Variants in DNAAF1 observed in about 807,000 individuals in gnomAD.
DNAAF1 encodes the protein dynein axonemal assembly factor 1.
DNAAF1 carries 65 observed loss-of-function variants against 71.1 expected under a neutral mutation model. The observed-to-expected ratio is 0.91, with a 90% CI of 0.75 to 1.12. The LOEUF (loss-of-function observed/expected upper bound fraction) is 1.12. Among genes scored for constraint, DNAAF1 ranks in the 50% most tolerant of loss-of-function variants. DNAAF1 has a pLI of 0.00. For missense variants in DNAAF1, 1,178 were observed against 899.8 expected (o/e 1.31, Z -3.96); for synonymous variants, 414 against 354.6 (o/e 1.17, Z -1.88).
rs529841659 is a variant in DNAAF1, at chr16:84,145,556, G to T, written c.116G>T (p.Cys39Phe). The T allele has an allele frequency of 2.6e-6, 4 of 1,548,262 alleles. No individual in the cohort carries two copies. In the South Asian group the frequency reaches 4.8e-5, roughly 18 times the overall value. ...CACGGGAGCGCAGGCCGAGGGGGCT[G>T]CAAGGAAGGTGCCGACTGCCCCCCA... ...GDHGSAGRGG[C>F]KEEINDPKEI... The change falls in exon 1 of 12, where the codon TGC (cysteine) becomes TTC (phenylalanine). Residue 39 changes from cysteine to phenylalanine, a missense_variant. Physicochemically the swap from Cys to Phe is radical, Grantham distance 205. Transcript: ENST00000378553.
intron 9 of DNAAF1, 73 bp downstream of exon 9, chr16:84,172,448 T>C: frequency 6.3e-7 from 1 of 1,577,752 alleles, no homozygotes; most frequent in Non-Finnish European, 8.6e-7. Context: ...AGATGCAGAC[T>C]TTGGAGACCC....
intron 2 of DNAAF1, 25 bp downstream of exon 2, chr16:84,149,167 T>G (rs898915061): frequency 3.1e-6 from 5 of 1,613,558 alleles, no homozygotes; most frequent in Non-Finnish European, 4.2e-6. Flanking sequence ...TCCTAATTAG[T>G]GCACATTTAT....
intron 7 of DNAAF1, among the ~76,000 whole-genome samples, chr16:84,169,294 C>T (rs2088196574): frequency 6.6e-6 from 1 of 151,052 alleles, no homozygotes; most frequent in Admixed American, 6.6e-5. Context: ...CCATGTTTGT[C>T]AGGCTGGTTT....
At chr16:84,162,414 A>T (rs1315346010) in intron 6 of DNAAF1, among the ~76,000 whole-genome samples, 1 of 151,990 alleles carries the variant, frequency 6.6e-6, no homozygotes, top group Non-Finnish European at 1.5e-5. Flanking sequence ...TCTCAAAAAA[A>T]AATAAATAAA....
At chr16:84,152,741 G>A (rs922841940) in intron 3 of DNAAF1, among the ~76,000 whole-genome samples, 1 of 151,440 alleles carries the variant, frequency 6.6e-6, no homozygotes, top group Non-Finnish European at 1.5e-5. Flanking sequence ...ATCACCTGAG[G>A]TAAGGAGTTC....
chr16:84,176,330 G>A (rs1301587210), intron 11 of DNAAF1, 31 bp downstream of exon 11: 13 of 1,612,386 alleles, frequency 8.1e-6, no homozygotes, highest in African/African-American at 1.3e-5. Context: ...GCACAGTGGA[G>A]ACAATGTTGG....
chr16:84,145,503 G>A lies in DNAAF1; in HGVS notation c.63G>A (p.Glu21=), dbSNP rs2086855493. ...GGAAELDCAQ[E]PGVEESAGDH... Reference sequence around the variant, plus strand: ...CAGCAGAGCTGGATTGCGCGCAGGAGCCCGGCGTGGAGGAGTCTGCGGGTG... The same window carrying A: ...CAGCAGAGCTGGATTGCGCGCAGGAACCCGGCGTGGAGGAGTCTGCGGGTG... The change falls in exon 1 of 12, where the codon GAG becomes GAA. Residue 21 remains glutamate (E), a synonymous_variant. Transcript: ENST00000378553. The A allele has an allele frequency of 1.3e-6, 2 of 1,564,102 alleles. No individual in the cohort carries two copies. Among genetic ancestry groups the A allele is most frequent in the Non-Finnish European group, 1.7e-6 (2 of 1,154,012 alleles).
intron 8 of DNAAF1, among the ~76,000 whole-genome samples, chr16:84,171,298 A>C (rs2151270108): frequency 6.6e-6 from 1 of 152,198 alleles, no homozygotes; most frequent in East Asian, 1.9e-4. Context: ...TCTACAAAAA[A>C]CAATAAATTA....
intron 9 of DNAAF1, chr16:84,173,445 C>T: frequency 1.0e-6 from 1 of 966,548 alleles, no homozygotes; most frequent in Non-Finnish European, 1.2e-6. Flanking sequence ...ACCTGGGCGA[C>T]AGAGCGAGAC....
At chr16:84,170,620 G>T (rs1019265128) in intron 8 of DNAAF1, among the ~76,000 whole-genome samples, 29 of 151,370 alleles carry the variant, frequency 1.9e-4, no homozygotes. Context: ...GACTGATTGA[G>T]GCCAGGAGTT....
intron 3 of DNAAF1, among the ~76,000 whole-genome samples, chr16:84,154,241 CT>C (rs2087310139): frequency 6.6e-6 from 1 of 152,182 alleles, no homozygotes; most frequent in Non-Finnish European, 1.5e-5. Flanking sequence ...CAAGGTCAAG[CT>C]ACTGGCAGAT....
chr16:84,158,094 A>G (rs766001298), intron 5 of DNAAF1, among the ~76,000 whole-genome samples: 6 of 151,832 alleles, frequency 4.0e-5, no homozygotes, highest in Non-Finnish European at 5.9e-5. Context: ...AGTCCCAGCT[A>G]CTCTGGTGGC....
At position 84,176,101 on chromosome 16, in the gene DNAAF1, G is replaced by C; in HGVS notation, c.1867G>C (p.Asp623His). 6.2e-7 allele frequency: 1 copy of C among 1,613,950 alleles called. No individual in the cohort carries two copies. ...TSKAARVPFT[D>H]IFKKEAKRDL... is the part of the protein sequence containing the mutation. ...AAAGGCGGCTCGGGTGCCCTTCACA[G>C]ACATCTTTAAAAAAGAAGCTAAGAG... Residue 623 changes from aspartate to histidine, a missense_variant, in exon 11 of 12, where the codon GAC becomes CAC. By Grantham distance (81) the Asp-to-His change is moderately conservative. Transcript: ENST00000378553.
In DNAAF1 at chr16:84,165,816, C is replaced by T. The variant is rs760302090; in HGVS notation, c.897C>T (p.Tyr299=). 26 of 1,613,278 alleles carry T rather than the reference C, an allele frequency of 1.6e-5. No individual in the cohort carries two copies. The highest frequency in any genetic ancestry group is 2.2e-5 in the East Asian group (1 of 44,862). The change falls in exon 7 of 12, where the codon TAC becomes TAT. Residue 299 remains tyrosine, a synonymous_variant. Coordinates refer to ENST00000378553, the MANE Select transcript of DNAAF1 (RefSeq NM_178452.6). ...CGGAGGCCTGGGCTAGGGGAGGGTA[C>T]GCAGCTGAAAAGGAGGAGAGACAGC... The part of the protein sequence containing the change: ...ACAEAWARGG[Y]AAEKEERQQW...
At chr16:84,160,323 T>A (rs1216172703) in intron 6 of DNAAF1, among the ~76,000 whole-genome samples, 1 of 152,226 alleles carries the variant, frequency 6.6e-6, no homozygotes, top group Non-Finnish European at 1.5e-5. Context: ...TGTCAGTGAC[T>A]TTTTCCAAGT....
In DNAAF1 at chr16:84,165,960, G is replaced by C; in HGVS notation, c.1030+11G>C. 3 of 1,612,186 alleles carry C rather than the reference G, an allele frequency of 1.9e-6. No individual in the cohort carries two copies. Among genetic ancestry groups the C allele is most frequent in the East Asian group, 2.2e-5 (1 of 44,848 alleles). On this transcript the variant is annotated intron_variant, in intron 7 of 11. Transcript: ENST00000378553. ...AGAGTCAAGAGAGAGGTATGCGCTC[G>C]GCCGAAGACAACAGCCCCAGAGTTC... is the stretch of plus-strand genomic sequence containing the variant.
intron 6 of DNAAF1, among the ~76,000 whole-genome samples, chr16:84,160,730 C>T (rs530111849): frequency 3.3e-5 from 5 of 151,478 alleles, no homozygotes; most frequent in South Asian, 2.1e-4. Flanking sequence ...GTCAGGAGAT[C>T]GAGACCACCC....
Position 84,160,608 on chromosome 16 carries a change from A to G in DNAAF1, c.863+812A>G, listed in dbSNP as rs553837990. On this transcript the variant is annotated intron_variant, in intron 6 of 11. Transcript: ENST00000378553. ...CTCACAAATTTAAATCAAACTAACA[A>G]ATATTTCAAATAGAGCTTCCACTTT... 2.6e-5 allele frequency among the ~76,000 whole-genome samples: 4 copies of G among 152,322 alleles called. No individual in the cohort carries two copies. The South Asian group carries it at 8.3e-4, about 32-fold the overall frequency.
Position 84,176,019 on chromosome 16 carries a change from G to A in DNAAF1, c.1785G>A (p.Leu595=). Residue 595 remains leucine (L), a synonymous_variant, in exon 11 of 12, where the codon CTG becomes CTA. Transcript: ENST00000378553. ...TGGACTACACGTCACTCCCTGTGCT[G>A]GAAAACCTCCCCACAGACACTCTGT... ...PELDYTSLPV[L]ENLPTDTLSN... is the part of the protein sequence containing the mutation. 1 of 1,614,160 alleles carries A rather than the reference G, an allele frequency of 6.2e-7. No homozygotes were observed. The highest frequency in any genetic ancestry group is 8.5e-7 in the Non-Finnish European group (1 of 1,180,030).
Sources: allele counts gnomAD v4.1 joint callset (sites outside exome capture counted in the v4.1 genomes callset), GRCh38; gene constraint gnomAD v4.1.1; transcripts MANE v1.5; gene names NCBI Gene and HGNC (gene_info 2026-07-23, HGNC 2026-07-21).